Variants in OARD1 observed in about 807,000 individuals in gnomAD.
OARD1 encodes the protein ADP-ribose glycohydrolase OARD1.
A neutral mutation model predicts 19.7 loss-of-function variants in OARD1; 19 were observed. That is an observed-to-expected ratio of 0.96 (90% confidence interval 0.67 to 1.41). OARD1 has a LOEUF of 1.41. Among genes scored for constraint, OARD1 ranks in the 40% most tolerant of loss-of-function variants. The pLI is 0.00. For synonymous variants in OARD1, 70 were observed against 61.8 expected (o/e 1.13, Z -0.62); for missense variants, 190 against 183.8 (o/e 1.03, Z -0.20).
chr6:41,071,927 C>G (rs950146481), intron 1 of OARD1: 45 of 441,508 alleles, frequency 1.0e-4, no homozygotes, highest in Non-Finnish European at 1.4e-4. Flanking sequence ...GGAAGCAAAG[C>G]CCATCCCTAA....
At chr6:41,072,516 G>C (rs530999226), upstream of OARD1, 11 of 152,416 alleles carry the variant, frequency 7.2e-5, no homozygotes, top group Non-Finnish European at 1.2e-4. Context: ...AGCCCCTCTA[G>C]CTTGCTAGCC....
intron 1 of OARD1, among the ~76,000 whole-genome samples, chr6:41,090,761 C>A (rs1764179161): frequency 6.6e-6 from 1 of 151,986 alleles, no homozygotes; most frequent in Non-Finnish European, 1.5e-5. Context: ...AAGACGTGAA[C>A]AAATAAATAC....
rs1412146916 is a variant in OARD1 at position 41,071,667 on chromosome 6, T to C, written c.-33A>G. 3 of 1,591,606 alleles carry C rather than the reference T, an allele frequency of 1.9e-6. No individual in the cohort carries two copies. The African/African-American group carries it at 4.0e-5, about 21-fold the overall frequency. ...AGTCGCTATTTCCAGAATTTAAGTG[T>C]TTCTTCAGCTATGAGAAGGGAAAAG... On this transcript the variant is annotated 5_prime_UTR_variant, in exon 2 of 6. Coordinates refer to ENST00000424266, the MANE Select transcript of OARD1 (RefSeq NM_001329686.2).
At chr6:41,067,460 A>T in intron 5 of OARD1, 23 bp from the exon 6 acceptor site, 1 of 1,503,132 alleles carries the variant, frequency 6.7e-7, no homozygotes, top group Non-Finnish European at 9.3e-7. Flanking sequence ...AAATATCTCC[A>T]TTGATGGTAA....
chr6:41,069,628 G>C (rs1448477745), intron 4 of OARD1: 2 of 213,608 alleles, frequency 9.4e-6, no homozygotes, highest in African/African-American at 4.8e-5. Flanking sequence ...TAGGAGAGGA[G>C]CTAAGTATTA....
chr6:41,076,483 T>C (rs1270081712), upstream of OARD1, among the ~76,000 whole-genome samples: 1 of 152,218 alleles, frequency 6.6e-6, no homozygotes, highest in Non-Finnish European at 1.5e-5. Context: ...ATGCTTACAC[T>C]AGTTGAGTTT....
At position 41,067,261 on chromosome 6, in the gene OARD1, G is replaced by A. The variant is rs1763058472; in HGVS notation, c.*74C>T. 5.8e-6 allele frequency: 5 copies of A among 855,078 alleles called. No homozygotes were observed. The highest frequency in any genetic ancestry group is 1.9e-6 in the Non-Finnish European group (1 of 531,114). 53.0% of individuals were successfully genotyped at this position (855,078 alleles called of 1,614,324 possible). A position where few individuals can be genotyped will look rare whatever the true frequency, so the allele number is the denominator to read the frequency against. The stretch of plus-strand genomic sequence containing the variant: ...GAAACTTTCCTCTGCCTATTTTAAG[G>A]TAGGTTTGCCCGGTCCTATGGCCCA... On this transcript the variant is annotated 3_prime_UTR_variant, in exon 6 of 6. Coordinates refer to ENST00000424266, the MANE Select transcript of OARD1 (RefSeq NM_001329686.2).
intron 1 of OARD1, 52 bp from the exon 2 acceptor site, chr6:41,071,727 T>C: frequency 9.8e-7 from 1 of 1,023,068 alleles, no homozygotes; most frequent in South Asian, 1.3e-5. Flanking sequence ...TAGTATATAA[T>C]ATTCTGATTG....
intron 1 of OARD1, chr6:41,092,767 C>T (rs1443896023): frequency 1.5e-5 from 10 of 687,656 alleles, no homozygotes; most frequent in Admixed American, 3.1e-5. Context: ...GTATAAATTT[C>T]TCCAGGGATC....
chr6:41,078,757 G>A (rs1020157931), intron 1 of OARD1, among the ~76,000 whole-genome samples: 4 of 152,194 alleles, frequency 2.6e-5, no homozygotes, highest in Non-Finnish European at 5.9e-5. Context: ...GTAGCTTAAC[G>A]AGTATCTCTT....
At chr6:41,091,577 A>C in intron 1 of OARD1, 1 of 1,614,214 alleles carries the variant, frequency 6.2e-7, no homozygotes, top group Non-Finnish European at 8.5e-7. Context: ...CCAGTTTGGC[A>C]GGAGCACAGA....
At chr6:41,084,389 C>T (rs192076941) in intron 1 of OARD1, among the ~76,000 whole-genome samples, 1 of 152,184 alleles carries the variant, frequency 6.6e-6, no homozygotes, top group Non-Finnish European at 1.5e-5. Flanking sequence ...CCAGTAATGA[C>T]TAAGATATTA....
chr6:41,080,812 A>G (rs751561001), intron 1 of OARD1: 1 of 1,613,282 alleles, frequency 6.2e-7, no homozygotes, highest in East Asian at 2.2e-5. Flanking sequence ...TGTTCTCAGC[A>G]GCAGGGTGGT....
intron 3 of OARD1, 133 bp downstream of exon 3, chr6:41,070,999 T>C: frequency 1.1e-6 from 1 of 943,820 alleles, no homozygotes; most frequent in Non-Finnish European, 1.7e-6. Flanking sequence ...CTAGAGGCCA[T>C]TCTTGGGGAG....
At position 41,066,666 on chromosome 6, in the gene OARD1, A is replaced by C. The variant is rs1763020637; in HGVS notation, c.*669T>G. 1 of 152,100 alleles carries C rather than the reference A, an allele frequency of 6.6e-6. No homozygotes were observed. The highest frequency in any genetic ancestry group is 6.5e-5 in the Admixed American group (1 of 15,270). The allele number at this position is 152,100 out of a possible 1,614,324, so 9.4% of individuals were successfully genotyped here. On this transcript the variant is annotated 3_prime_UTR_variant, in exon 6 of 6. Coordinates refer to ENST00000424266, the MANE Select transcript of OARD1 (RefSeq NM_001329686.2). ...CCTGCCTTTTGACTTGTCTATTTTT[A>C]TCTCTTATTTCTCACTTTGCTTCTC...
At chr6:41,088,901 T>C (rs1764119911) in intron 1 of OARD1, among the ~76,000 whole-genome samples, 1 of 152,132 alleles carries the variant, frequency 6.6e-6, no homozygotes. Context: ...TTAATATATA[T>C]AGTATTTCCT....
chr6:41,067,122 T>C lies in OARD1; in HGVS notation c.*213A>G. On this transcript the variant is annotated 3_prime_UTR_variant, in exon 6 of 6. Coordinates refer to ENST00000424266, the MANE Select transcript of OARD1 (RefSeq NM_001329686.2). ...ATTATCAAGCCACCTAACTCCTTAC[T>C]TTTCCACAAAAAAACACAACCACAT... 1 of 339,784 alleles carries C rather than the reference T, an allele frequency of 2.9e-6. No homozygotes were observed. Among genetic ancestry groups the C allele is most frequent in the East Asian group, 4.4e-5 (1 of 22,652 alleles). The allele number at this position is 339,784 out of a possible 1,614,324, so 21.0% of individuals were successfully genotyped here.
intron 1 of OARD1, among the ~76,000 whole-genome samples, chr6:41,084,436 G>C (rs1170208196): frequency 6.6e-6 from 1 of 152,148 alleles, no homozygotes; most frequent in African/African-American, 2.4e-5. Context: ...ATATGAAGAG[G>C]TTAGAATCTA....
rs1582008983 is a variant in OARD1 at position 41,071,703 on chromosome 6, T to C, written c.-41-28A>G. ...ATGAGAAGGGAAAAGGAAGTAAAAA[T>C]GCTTAGGCAGCCTTAGTATATAATA... On this transcript the variant is annotated intron_variant, in intron 1 of 5. Transcript: ENST00000424266. 1.1e-4 allele frequency: 142 copies of C among 1,312,456 alleles called. 3 individuals are homozygous for C. The South Asian group carries it at 1.6e-3, about 15-fold the overall frequency. 81.3% of individuals were successfully genotyped at this position (1,312,456 alleles called of 1,614,324 possible).
Sources: gnomAD v4.1 joint callset for allele counts (sites outside exome capture counted in the v4.1 genomes callset) on GRCh38, gnomAD v4.1.1 for gene constraint, MANE v1.5 for transcripts, NCBI Gene and HGNC (gene_info 2026-07-23, HGNC 2026-07-21) for gene names.